Variants in KAZN observed in about 807,000 individuals in gnomAD.
KAZN encodes the protein kazrin, periplakin interacting protein, also known as kazrin.
Under a neutral mutation model 87.4 loss-of-function variants are expected in KAZN, and 40 were observed. The ratio of observed to expected loss-of-function variants is 0.46; its 90% CI spans 0.36 to 0.60. KAZN has a LOEUF of 0.60. KAZN is among the 20% of genes least tolerant of loss of function. The probability of loss-of-function intolerance (pLI) is 0.00; values close to 1 mark genes in which losing one functional copy is unlikely to be tolerated. For missense variants in KAZN, 898 were observed against 1,073.9 expected (o/e 0.84, Z 2.29); for synonymous variants, 466 against 458.3 (o/e 1.02, Z -0.22).
chr1:14,826,337 G>T (rs770580204), intron 1 of KAZN, among the ~76,000 whole-genome samples: 2 of 152,246 alleles, frequency 1.3e-5, no homozygotes, highest in African/African-American at 2.4e-5. Context: ...GCGCTCTGGC[G>T]TTGGCCATAT....
intron 8 of KAZN, among the ~76,000 whole-genome samples, chr1:15,079,903 G>A (rs1010110208): frequency 6.6e-6 from 1 of 152,230 alleles, no homozygotes; most frequent in African/African-American, 2.4e-5. Flanking sequence ...TTGATGTATA[G>A]ATATATATGT....
At chr1:13,950,277 C>G (rs553601057) in intron 1 of KAZN, among the ~76,000 whole-genome samples, 1 of 152,298 alleles carries the variant, frequency 6.6e-6, no homozygotes, top group East Asian at 1.9e-4. Flanking sequence ...CCTCCCTGGC[C>G]AGGCCAGTGC....
chr1:14,831,357 G>C (rs574432890), intron 1 of KAZN, among the ~76,000 whole-genome samples: 1 of 152,316 alleles, frequency 6.6e-6, no homozygotes, highest in South Asian at 2.1e-4. Context: ...TGCTGCTGCT[G>C]CTGCTTCTGC....
At chr1:14,545,891 T>A (rs1673109386) in intron 2 of KAZN, among the ~76,000 whole-genome samples, 1 of 152,168 alleles carries the variant, frequency 6.6e-6, no homozygotes, top group African/African-American at 2.4e-5. Flanking sequence ...CAAAGCAAGT[T>A]GCCAGATAGC....
intron 2 of KAZN, among the ~76,000 whole-genome samples, chr1:14,562,646 A>T (rs1337146615): frequency 1.3e-5 from 2 of 152,210 alleles, no homozygotes; most frequent in African/African-American, 2.4e-5. Context: ...GAACCATGAG[A>T]TGGTGAAACA....
chr1:13,929,727 G>A (rs1012971884), intron 1 of KAZN, among the ~76,000 whole-genome samples: 18 of 152,204 alleles, frequency 1.2e-4, no homozygotes, highest in African/African-American at 4.3e-4. Context: ...GGGCTGGGAA[G>A]TGTTTGATAT....
intron 2 of KAZN, among the ~76,000 whole-genome samples, chr1:14,316,883 G>T (rs1655690048): frequency 6.6e-6 from 1 of 151,274 alleles, no homozygotes; most frequent in Admixed American, 6.6e-5. Flanking sequence ...TTCCATAGTG[G>T]TGAAAAAACA....
chr1:14,758,738 G>T (rs1412049505), intron 1 of KAZN, among the ~76,000 whole-genome samples: 1 of 152,148 alleles, frequency 6.6e-6, no homozygotes, highest in East Asian at 1.9e-4. Context: ...CCCAATGCTT[G>T]TGCCTCCATT....
intron 2 of KAZN, among the ~76,000 whole-genome samples, chr1:15,016,433 A>G (rs148381308): frequency 0.014 from 2,161 of 152,156 alleles, 19 homozygotes; most frequent in Non-Finnish European, 0.024. Flanking sequence ...TTACAGGCGC[A>G]TGCCACCGTG....
At chr1:14,580,979 A>G (rs1675510943) in intron 2 of KAZN, among the ~76,000 whole-genome samples, 3 of 151,850 alleles carry the variant, frequency 2.0e-5, no homozygotes, top group Non-Finnish European at 4.4e-5. Flanking sequence ...GTGTCTCCTT[A>G]TGACCTTGAC....
At chr1:14,823,357 G>C (rs1464142637) in intron 1 of KAZN, among the ~76,000 whole-genome samples, 2 of 152,152 alleles carry the variant, frequency 1.3e-5, no homozygotes, top group Non-Finnish European at 2.9e-5. Flanking sequence ...AAGTTGTTGG[G>C]AAGCCCAGGA....
intron 1 of KAZN, among the ~76,000 whole-genome samples, chr1:14,118,372 T>C (rs1226135601): frequency 6.6e-6 from 1 of 152,156 alleles, no homozygotes; most frequent in Non-Finnish European, 1.5e-5. Context: ...TCTTCCCCCA[T>C]CCCCTTTTCA....
intron 1 of KAZN, among the ~76,000 whole-genome samples, chr1:14,075,848 G>A (rs568284613): frequency 6.6e-6 from 1 of 152,228 alleles, no homozygotes; most frequent in African/African-American, 2.4e-5. Context: ...CCTGTTATGA[G>A]TTGAATGGTG....
At chr1:14,879,107 A>G (rs1239976058) in intron 1 of KAZN, among the ~76,000 whole-genome samples, 1 of 152,158 alleles carries the variant, frequency 6.6e-6, no homozygotes, top group East Asian at 1.9e-4. Flanking sequence ...TTGGGATTGC[A>G]TTGGGCATTT....
At position 15,112,533 on chromosome 1, in the gene KAZN, G is replaced by T. The variant is rs548433015; in HGVS notation, c.2155G>T (p.Ala719Ser). Residue 719 changes from alanine (A) to serine (S), a missense_variant, in exon 14 of 15, where the codon GCT becomes TCT. Coordinates refer to ENST00000376030, the MANE Select transcript of KAZN (RefSeq NM_201628.3). ...GAACAGCAGCGGTCTCAAGTACAAG[G>T]CTGGCCGGGTAAGTCTCTCAATGGA... ...EENSSGLKYKAGRLPLGKIGR... is the reference protein window; with the variant it reads ...EENSSGLKYKSGRLPLGKIGR... The T allele has an allele frequency of 1.3e-6, 2 of 1,596,456 alleles. No homozygotes were observed. The highest frequency in any genetic ancestry group is 4.5e-5 in the East Asian group (2 of 44,346).
intron 8 of KAZN, among the ~76,000 whole-genome samples, chr1:15,070,097 G>GT (rs1276764946): frequency 6.6e-6 from 1 of 152,204 alleles, no homozygotes; most frequent in Non-Finnish European, 1.5e-5. Context: ...AAACTATGGA[G>GT]TTTTGGCTAC....
chr1:15,087,430 T>G (rs995345265), intron 8 of KAZN, among the ~76,000 whole-genome samples: 3 of 151,968 alleles, frequency 2.0e-5, no homozygotes, highest in Admixed American at 1.3e-4. Flanking sequence ...TCTTACTCTT[T>G]CGCCCAGGCA....
intron 2 of KAZN, among the ~76,000 whole-genome samples, chr1:14,258,390 ATT>A (rs760768355): frequency 0.032 from 3,987 of 125,454 alleles, 64 homozygotes; most frequent in Non-Finnish European, 0.041. Flanking sequence ...TAAATTTTGT[ATT>A]TTTTTTTTTT....
chr1:14,125,636 C>T (rs1356491464), intron 1 of KAZN, among the ~76,000 whole-genome samples: 2 of 152,094 alleles, frequency 1.3e-5, no homozygotes, highest in Non-Finnish European at 2.9e-5. Context: ...GGGAGCGGGG[C>T]CCTGCTGACA....
Sources: gnomAD v4.1 joint callset for allele counts (sites outside exome capture counted in the v4.1 genomes callset) on GRCh38, gnomAD v4.1.1 for gene constraint, MANE v1.5 for transcripts, NCBI Gene and HGNC (gene_info 2026-07-23, HGNC 2026-07-21) for gene names.